Variants in SPAG9 observed in about 807,000 individuals in gnomAD.
SPAG9 encodes the protein sperm associated antigen 9.
Under a neutral mutation model 166.5 loss-of-function variants are expected in SPAG9, and 35 were observed. The ratio of observed to expected loss-of-function variants is 0.21; its 90% CI spans 0.16 to 0.28. The LOEUF (loss-of-function observed/expected upper bound fraction) is 0.28, where lower values mean the gene tolerates loss of function less well. SPAG9 is among the 10% of genes least tolerant of loss of function. The pLI, the probability that SPAG9 is intolerant of heterozygous loss-of-function variation, is 1.00. For missense variants in SPAG9, 1,235 were observed against 1,603.3 expected, an observed-to-expected ratio of 0.77 and a Z score of 3.92; for synonymous variants, 534 against 565.5, an observed-to-expected ratio of 0.94 and a Z score of 0.79.
At chr17:51,018,236 G>A (rs1182292578) in intron 8 of SPAG9, among the ~76,000 whole-genome samples, 3 of 149,766 alleles carry the variant, frequency 2.0e-5, no homozygotes, top group South Asian at 2.1e-4. Context: ...CCAGCTACTT[G>A]GGAGGCTGAG....
chr17:50,993,453 CTAATGTTTTAACATCACATAAT>C (rs2143859985), intron 19 of SPAG9, among the ~76,000 whole-genome samples: 1 of 151,842 alleles, frequency 6.6e-6, no homozygotes, highest in South Asian at 2.1e-4. Flanking sequence ...AATTTTTAAA[CTAATGTTTTAACATCACATAAT>C]GTTTAATCCA....
intron 4 of SPAG9, among the ~76,000 whole-genome samples, chr17:51,042,737 G>A (rs1418200992): frequency 6.6e-6 from 1 of 152,112 alleles, no homozygotes; most frequent in Admixed American, 6.6e-5. Context: ...AATCTAAAAG[G>A]ACTAGTAAAA....
chr17:50,982,637 C>G lies in SPAG9; in HGVS notation c.3124G>C (p.Asp1042His). ...ATGGAATGATGAGGCCGTCCAAGGTCTAAGAGGTGATAGTTTGACAAATCC... is the reference window on the plus strand; with the variant it reads ...ATGGAATGATGAGGCCGTCCAAGGTGTAAGAGGTGATAGTTTGACAAATCC... Reference protein sequence around the residue: ...QWDLSNYHLLDLGRPHHSIRC... With the variant: ...QWDLSNYHLLHLGRPHHSIRC... The change falls in exon 25 of 30, where the codon GAC becomes CAC. Residue 1042 changes from aspartate to histidine, a missense_variant. Around this residue, in one of 6 missense-constraint regions of SPAG9, gnomAD observed 493 missense variants for 559.4 expected, o/e 0.88. Transcript: ENST00000262013. 2 of 1,612,612 alleles carry G rather than the reference C, an allele frequency of 1.2e-6. No homozygotes were observed. The highest frequency in any genetic ancestry group is 1.7e-6 in the Non-Finnish European group (2 of 1,179,702).
At chr17:51,043,002 T>C (rs1161228096) in intron 4 of SPAG9, among the ~76,000 whole-genome samples, 1 of 152,182 alleles carries the variant, frequency 6.6e-6, no homozygotes, top group African/African-American at 2.4e-5. Flanking sequence ...GCAATTCTCC[T>C]GCCTCAGCCT....
At chr17:50,971,078 C>T (rs1374728130) in intron 28 of SPAG9, among the ~76,000 whole-genome samples, 1 of 152,016 alleles carries the variant, frequency 6.6e-6, no homozygotes, top group Non-Finnish European at 1.5e-5. Flanking sequence ...TTCGAGAGGC[C>T]GAAGTGGGAG....
At chr17:51,047,083 A>G (rs1490132925) in intron 4 of SPAG9, 1 of 330,662 alleles carries the variant, frequency 3.0e-6, no homozygotes, top group Non-Finnish European at 4.3e-6. Context: ...AAAATATTTC[A>G]GCATTCCCAT....
chr17:51,063,996 A>G (rs941559060), intron 2 of SPAG9, among the ~76,000 whole-genome samples: 3 of 152,228 alleles, frequency 2.0e-5, no homozygotes, highest in African/African-American at 7.2e-5. Flanking sequence ...AAATATCTAC[A>G]TAAATTAGAC....
intron 1 of SPAG9, among the ~76,000 whole-genome samples, chr17:51,091,581 T>A (rs2048467013): frequency 6.6e-6 from 1 of 152,038 alleles, no homozygotes; most frequent in South Asian, 2.1e-4. Flanking sequence ...ATTTGTCAGA[T>A]CACTCAGGTA....
chr17:51,005,275 A>G lies in SPAG9; in HGVS notation c.1425-12T>C. 6.2e-7 allele frequency: 1 copy of G among 1,611,438 alleles called. No individual in the cohort carries two copies. The highest frequency in any genetic ancestry group is 1.1e-5 in the South Asian group (1 of 90,748). On this transcript the variant is annotated splice_polypyrimidine_tract_variant and intron_variant, in intron 11 of 29. Coordinates refer to ENST00000262013, the MANE Select transcript of SPAG9 (RefSeq NM_001130528.3). The stretch of plus-strand genomic sequence containing the variant: ...CTTCTGCCCGAGCTCTAGTGGGGAA[A>G]AAACAAAACAAAACATGTTATTTGA...
At chr17:51,105,866 C>CAA (rs201060509) in intron 1 of SPAG9, among the ~76,000 whole-genome samples, 1 of 147,514 alleles carries the variant, frequency 6.8e-6, no homozygotes, top group African/African-American at 2.5e-5. Context: ...CAGGCTGTCT[C>CAA]AAAAAAAAAG....
intron 3 of SPAG9, among the ~76,000 whole-genome samples, chr17:51,052,676 G>A (rs1234127890): frequency 6.6e-6 from 1 of 151,638 alleles, no homozygotes; most frequent in Non-Finnish European, 1.5e-5. Flanking sequence ...AAATTAGTAT[G>A]TCAGGCTTCT....
intron 12 of SPAG9, among the ~76,000 whole-genome samples, chr17:51,004,361 CT>C (rs1242524813): frequency 6.6e-6 from 1 of 152,174 alleles, no homozygotes; most frequent in Non-Finnish European, 1.5e-5. Flanking sequence ...AAAACAGAGA[CT>C]GAAGGGGCAC....
At position 50,993,747 on chromosome 17, in the gene SPAG9, G is replaced by C; in HGVS notation, c.2398+17C>G. 1 of 1,611,776 alleles carries C rather than the reference G, an allele frequency of 6.2e-7. No homozygotes were observed. Among genetic ancestry groups the C allele is most frequent in the Non-Finnish European group, 8.5e-7 (1 of 1,178,220 alleles). ...TGGATGGAGGGGAGGGCAGAGAAACGCATGACTCACTCTTACCTGGCACAC... is the reference window on the plus strand; with the variant it reads ...TGGATGGAGGGGAGGGCAGAGAAACCCATGACTCACTCTTACCTGGCACAC... On this transcript the variant is annotated intron_variant, in intron 19 of 29. Transcript: ENST00000262013.
chr17:51,003,802 T>A (rs2045071110), intron 12 of SPAG9, among the ~76,000 whole-genome samples: 1 of 152,154 alleles, frequency 6.6e-6, no homozygotes, highest in Admixed American at 6.5e-5. Flanking sequence ...AAACAACAAA[T>A]GATAAAGATC....
intron 1 of SPAG9, among the ~76,000 whole-genome samples, chr17:51,099,523 T>C (rs192765182): frequency 6.7e-4 from 102 of 151,800 alleles, no homozygotes; most frequent in African/African-American, 2.4e-3. Flanking sequence ...GCAAAAAGTT[T>C]CAGATTTTGA....
At chr17:50,980,238 T>A (rs1974496510) in intron 25 of SPAG9, among the ~76,000 whole-genome samples, 1 of 152,070 alleles carries the variant, frequency 6.6e-6, no homozygotes, top group Admixed American at 6.6e-5. Flanking sequence ...GAGTCTTTAC[T>A]CTTGTCGCCC....
At chr17:50,977,084 G>T in intron 27 of SPAG9, 24 bp downstream of exon 27, 2 of 1,349,712 alleles carry the variant, frequency 1.5e-6, no homozygotes, top group Non-Finnish European at 2.1e-6. Context: ...TTGTTCCATG[G>T]CAGTTATCTA....
chr17:51,093,255 A>T (rs1286048322), intron 1 of SPAG9, among the ~76,000 whole-genome samples: 2 of 152,068 alleles, frequency 1.3e-5, no homozygotes, highest in Non-Finnish European at 2.9e-5. Flanking sequence ...TAAAAGTATC[A>T]GTGGTGTTTA....
chr17:51,080,811 C>T (rs928370214), intron 1 of SPAG9, among the ~76,000 whole-genome samples: 4 of 134,504 alleles, frequency 3.0e-5, no homozygotes, highest in Non-Finnish European at 6.1e-5. Context: ...AACCGGGACC[C>T]GGGAGGTGGA....
Sources: gnomAD v4.1 joint callset for allele counts (sites outside exome capture counted in the v4.1 genomes callset) on GRCh38, gnomAD v4.1.1 for gene constraint, gnomAD v4.1.1 regional missense constraint, MANE v1.5 for transcripts, NCBI Gene and HGNC (gene_info 2026-07-23, HGNC 2026-07-21) for gene names.